Variants in CDH13 observed in about 807,000 individuals in gnomAD.
CDH13 encodes the protein cadherin-13.
In CDH13, 24 loss-of-function variants were observed where a neutral mutation model predicts 63.8. The ratio of observed to expected loss-of-function variants is 0.38; its 90% CI spans 0.27 to 0.53. The LOEUF is 0.53. Among genes scored for constraint, CDH13 ranks in the 20% least tolerant of loss-of-function variants. The pLI is 0.85. For missense variants in CDH13, 1,049 were observed against 903.1 expected (o/e 1.16, Z -2.07); for synonymous variants, 503 against 355.3 (o/e 1.42, Z -4.67).
chr16:82,772,740 TA>T (rs1207683415), intron 1 of CDH13, among the ~76,000 whole-genome samples: 1 of 152,194 alleles, frequency 6.6e-6, no homozygotes, highest in Non-Finnish European at 1.5e-5. Flanking sequence ...CTACAGATGA[TA>T]AAATTGAGAT....
intron 4 of CDH13, among the ~76,000 whole-genome samples, chr16:83,181,395 C>G (rs1003332496): frequency 6.6e-6 from 1 of 152,158 alleles, no homozygotes; most frequent in African/African-American, 2.4e-5. Flanking sequence ...TGGCTCTAGC[C>G]TAGGTGCCCA....
chr16:83,225,394 A>G (rs1431105216), intron 5 of CDH13, among the ~76,000 whole-genome samples: 2 of 152,054 alleles, frequency 1.3e-5, no homozygotes, highest in African/African-American at 2.4e-5. Context: ...TTTTTGTTTC[A>G]TTAGTGGCAC....
chr16:83,423,861 A>G (rs1368341010), intron 6 of CDH13, among the ~76,000 whole-genome samples: 1 of 152,240 alleles, frequency 6.6e-6, no homozygotes, highest in Non-Finnish European at 1.5e-5. Flanking sequence ...GTGGGGAAAG[A>G]TAATTCTTAC....
chr16:83,360,498 C>T (rs1438625550), intron 6 of CDH13, among the ~76,000 whole-genome samples: 1 of 151,690 alleles, frequency 6.6e-6, no homozygotes, highest in African/African-American at 2.4e-5. Context: ...TGGGCATACA[C>T]ATGCAGGCTT....
chr16:83,430,043 G>T (rs1469592524), intron 6 of CDH13, among the ~76,000 whole-genome samples: 6 of 152,162 alleles, frequency 3.9e-5, no homozygotes, highest in Non-Finnish European at 5.9e-5. Flanking sequence ...ATCTGGTACA[G>T]ACACTATGGG....
chr16:82,635,247 A>T (rs1285403527), intron 1 of CDH13, among the ~76,000 whole-genome samples: 1 of 152,258 alleles, frequency 6.6e-6, no homozygotes, highest in Non-Finnish European at 1.5e-5. Context: ...ATGAATGAAT[A>T]TAAGAAAGAC....
At chr16:83,758,934 C>G (rs1016775598) in intron 11 of CDH13, among the ~76,000 whole-genome samples, 2 of 152,160 alleles carry the variant, frequency 1.3e-5, no homozygotes, top group African/African-American at 2.4e-5. Flanking sequence ...GATTGGAAGG[C>G]TCAATGGTAT....
chr16:83,569,541 T>C (rs79483482), intron 7 of CDH13, among the ~76,000 whole-genome samples: 8,774 of 152,248 alleles, frequency 0.058, 373 homozygotes, highest in Admixed American at 0.16. Flanking sequence ...CATTTTTCTA[T>C]TTTTTTCTAA....
At chr16:82,721,726 AT>A (rs2032783363) in intron 1 of CDH13, among the ~76,000 whole-genome samples, 1 of 152,180 alleles carries the variant, frequency 6.6e-6, no homozygotes, top group East Asian at 1.9e-4. Context: ...GAGAGTTCAG[AT>A]TTTGTTCTAA....
At chr16:83,022,823 A>G (rs1406085369) in intron 2 of CDH13, among the ~76,000 whole-genome samples, 1 of 152,234 alleles carries the variant, frequency 6.6e-6, no homozygotes, top group Admixed American at 6.5e-5. Context: ...TACCCATATA[A>G]GATGTGAGTG....
At chr16:83,571,725 C>A (rs546960403) in intron 7 of CDH13, among the ~76,000 whole-genome samples, 3 of 152,296 alleles carry the variant, frequency 2.0e-5, no homozygotes, top group African/African-American at 7.2e-5. Flanking sequence ...CTGTAATTCA[C>A]CCCTCAATTA....
intron 6 of CDH13, among the ~76,000 whole-genome samples, chr16:83,345,590 T>C (rs1244206618): frequency 6.6e-6 from 1 of 152,236 alleles, no homozygotes; most frequent in Admixed American, 6.5e-5. Context: ...GAGCTCCCGC[T>C]GTCTTTTCCC....
chr16:82,892,941 T>C (rs1009461689), intron 2 of CDH13, among the ~76,000 whole-genome samples: 9 of 152,354 alleles, frequency 5.9e-5, no homozygotes, highest in African/African-American at 2.2e-4. Context: ...CATTTGGCTC[T>C]CCAAGACAAA....
intron 7 of CDH13, among the ~76,000 whole-genome samples, chr16:83,534,515 C>G (rs756876557): frequency 9.2e-5 from 14 of 152,196 alleles, no homozygotes; most frequent in Admixed American, 2.0e-4. Flanking sequence ...CTGGCTAGCA[C>G]CTATGTGAAA....
chr16:83,371,348 C>G, intron 6 of CDH13, among the ~76,000 whole-genome samples: 1 of 152,090 alleles, frequency 6.6e-6, no homozygotes. Flanking sequence ...AGAAACATAT[C>G]CAGGTCTCCC....
intron 1 of CDH13, among the ~76,000 whole-genome samples, chr16:82,828,833 T>C (rs1319895682): frequency 6.6e-6 from 1 of 152,164 alleles, no homozygotes; most frequent in East Asian, 1.9e-4. Flanking sequence ...CAGGAGGATA[T>C]GTATAGATTA....
chr16:83,569,861 C>T (rs768157159), intron 7 of CDH13, among the ~76,000 whole-genome samples: 4 of 152,096 alleles, frequency 2.6e-5, no homozygotes, highest in South Asian at 4.1e-4. Flanking sequence ...CTCAGCCTTC[C>T]GAGTAGCTGG....
chr16:83,486,425 C>T (rs377502704), intron 6 of CDH13, 52 bp from the exon 7 acceptor site: 20 of 1,531,092 alleles, frequency 1.3e-5, no homozygotes, highest in East Asian at 2.3e-5. Context: ...GGGCTCTGGC[C>T]GTTGTTGACC....
chr16:83,284,726 A>G (rs1357866782), intron 5 of CDH13, among the ~76,000 whole-genome samples: 3 of 152,078 alleles, frequency 2.0e-5, no homozygotes, highest in Non-Finnish European at 4.4e-5. Flanking sequence ...AATTACTTTG[A>G]TTACATAAGT....
Sources: allele counts gnomAD v4.1 joint callset (sites outside exome capture counted in the v4.1 genomes callset), GRCh38; gene constraint gnomAD v4.1.1; transcripts MANE v1.5; gene names NCBI Gene and HGNC (gene_info 2026-07-23, HGNC 2026-07-21).